The following MED12L variants were observed in gnomAD, a reference collection of about 807,000 sequenced individuals.
MED12L encodes the protein mediator complex subunit 12L.
A neutral mutation model predicts 281.3 loss-of-function variants in MED12L; 60 were observed. The ratio of observed to expected loss-of-function variants is 0.21; its 90% CI spans 0.17 to 0.26. MED12L has a LOEUF of 0.26. Ranked by LOEUF, MED12L falls within the 10% of genes least tolerant of loss-of-function variation. MED12L has a pLI of 1.00. For synonymous variants in MED12L, 974 were observed against 987.2 expected, an observed-to-expected ratio of 0.99 and a Z score of 0.25; for missense variants, 2,146 against 2,680.9, an observed-to-expected ratio of 0.80 and a Z score of 4.41.
rs1156665857 is a variant in MED12L, at chr3:151,247,408, G to A, written c.2250+53742G>A. Among the ~76,000 whole-genome samples, 876 of 151,984 alleles carry A rather than the reference G, an allele frequency of 5.8e-3. 2 individuals are homozygous for A. The highest frequency in any genetic ancestry group is 7.2e-3 in the Non-Finnish European group (491 of 67,906). On this transcript the variant is annotated intron_variant, in intron 16 of 44. Coordinates refer to ENST00000687756, the MANE Select transcript of MED12L (RefSeq NM_001393769.1). ...ACTGGATTAAGAAAATGTGGCACAT[G>A]TACACCATGGAATACTATGCAGCCA...
intron 21 of MED12L, among the ~76,000 whole-genome samples, chr3:151,364,443 G>T (rs1755032648): frequency 6.6e-6 from 1 of 152,078 alleles, no homozygotes; most frequent in African/African-American, 2.4e-5. Flanking sequence ...CCCCTTACTA[G>T]AATGTAAGTT....
At position 151,350,103 on chromosome 3, in the gene MED12L, C is replaced by A. The variant is rs758843606; in HGVS notation, c.2295C>A (p.Leu765=). Reference sequence around the variant, plus strand: ...AATGTAACCAGCGCACAATCCTTCTCTATGGAGTCGGCAAAGAGCGTGATG... The same window carrying A: ...AATGTAACCAGCGCACAATCCTTCTATATGGAGTCGGCAAAGAGCGTGATG... ...SHECNQRTIL[L]YGVGKERDEA... The change falls in exon 17 of 45, where the codon CTC becomes CTA. Residue 765 remains leucine, a synonymous_variant. Transcript: ENST00000687756. 1 of 1,613,454 alleles carries A rather than the reference C, an allele frequency of 6.2e-7. No individual in the cohort carries two copies.
chr3:151,288,855 G>A (rs897502151), intron 16 of MED12L, among the ~76,000 whole-genome samples: 5 of 152,056 alleles, frequency 3.3e-5, no homozygotes, highest in African/African-American at 4.8e-5. Context: ...TCTCCAGTTC[G>A]CAGCTCATCA....
intron 11 of MED12L, among the ~76,000 whole-genome samples, chr3:151,177,663 T>A (rs371721932): frequency 1.2e-3 from 177 of 152,146 alleles, no homozygotes; most frequent in African/African-American, 1.8e-3. Context: ...CTTTTTTTTT[T>A]TTATTATTTA....
chr3:151,379,390 C>T lies in MED12L; in HGVS notation c.4479-723C>T, dbSNP rs192722023. 1.4e-3 allele frequency among the ~76,000 whole-genome samples: 214 copies of T among 152,302 alleles called. 2 individuals carry two copies. Among genetic ancestry groups the T allele is most frequent in the African/African-American group, 4.6e-3 (191 of 41,560 alleles). ...TAAGAAATTTGTCTTTCCAACATGGCGCTTTGTTTGTCAATATGATTTGTT... is the reference window on the plus strand; with the variant it reads ...TAAGAAATTTGTCTTTCCAACATGGTGCTTTGTTTGTCAATATGATTTGTT... On this transcript the variant is annotated intron_variant, in intron 31 of 44. Coordinates refer to ENST00000687756, the MANE Select transcript of MED12L (RefSeq NM_001393769.1).
intron 3 of MED12L, among the ~76,000 whole-genome samples, chr3:151,119,978 G>C (rs113266913): frequency 6.6e-6 from 1 of 151,640 alleles, no homozygotes; most frequent in Non-Finnish European, 1.5e-5. Flanking sequence ...CAGCACTTTG[G>C]GGGGCTGAGG....
intron 21 of MED12L, among the ~76,000 whole-genome samples, chr3:151,362,527 C>T (rs1236394544): frequency 6.6e-6 from 1 of 152,094 alleles, no homozygotes; most frequent in Non-Finnish European, 1.5e-5. Context: ...CTGAGCACAC[C>T]ATTTTAAATA....
intron 2 of MED12L, among the ~76,000 whole-genome samples, chr3:151,116,083 A>T (rs1009414600): frequency 5.9e-5 from 9 of 151,572 alleles, no homozygotes; most frequent in Non-Finnish European, 1.3e-4. Flanking sequence ...AAAAAAAAAA[A>T]AAAAGAATAG....
At position 151,144,556 on chromosome 3, in the gene MED12L, C is replaced by T. The variant is rs1717508733; in HGVS notation, c.557-11605C>T. 2.0e-5 allele frequency among the ~76,000 whole-genome samples: 3 copies of T among 152,162 alleles called. No homozygotes were observed. In the South Asian group the frequency reaches 6.2e-4, roughly 32 times the overall value. On this transcript the variant is annotated intron_variant, in intron 5 of 44. Transcript: ENST00000687756. ...TCGGCCCCCTGTTTTCTGACTTGGC[C>T]ACGCTGGTCTCTTTTCTTCTGAAAT... is the stretch of plus-strand genomic sequence containing the variant.
intron 5 of MED12L, among the ~76,000 whole-genome samples, chr3:151,153,915 A>C (rs1718917407): frequency 6.6e-6 from 1 of 151,984 alleles, no homozygotes; most frequent in African/African-American, 2.4e-5. Context: ...ACTCCAGACC[A>C]ATTAAATTAG....
At chr3:151,205,333 TA>T (rs1390300199) in intron 16 of MED12L, among the ~76,000 whole-genome samples, 1 of 152,240 alleles carries the variant, frequency 6.6e-6, no homozygotes, top group African/African-American at 2.4e-5. Context: ...ATTTCATGGA[TA>T]TTTTGTATGT....
intron 36 of MED12L, among the ~76,000 whole-genome samples, chr3:151,387,291 T>C (rs1175794289): frequency 2.0e-5 from 3 of 152,036 alleles, no homozygotes; most frequent in East Asian, 3.9e-4. Flanking sequence ...AATAATAATA[T>C]TATATTCAGA....
intron 43 of MED12L, among the ~76,000 whole-genome samples, chr3:151,422,974 C>T (rs1360437639): frequency 3.9e-5 from 5 of 129,370 alleles, no homozygotes; most frequent in African/African-American, 1.4e-4. Flanking sequence ...TTAGCTTTTG[C>T]ACAAGTCCCT....
chr3:151,421,140 G>GC lies in MED12L; in HGVS notation c.6408+4720dup, dbSNP rs113094577. 7.9e-3 allele frequency among the ~76,000 whole-genome samples: 1,206 copies of GC among 152,234 alleles called. 19 individuals are homozygous for GC. Among genetic ancestry groups the GC allele is most frequent in the African/African-American group, 0.028 (1,152 of 41,546 alleles). On this transcript the variant is annotated intron_variant, in intron 43 of 44. Coordinates refer to ENST00000687756, the MANE Select transcript of MED12L (RefSeq NM_001393769.1). ...CGTAACCTCCATCCCTGCCACCATG[G>GC]CCACTTTGTTCATGGGCCCATTGAG...
intron 43 of MED12L, among the ~76,000 whole-genome samples, chr3:151,427,304 C>A (rs1360200296): frequency 2.0e-5 from 3 of 152,144 alleles, no homozygotes; most frequent in African/African-American, 7.2e-5. Context: ...GATAACCTGA[C>A]AGAGTCTTGG....
intron 39 of MED12L, among the ~76,000 whole-genome samples, chr3:151,403,464 C>G (rs770984358): frequency 9.9e-5 from 15 of 152,210 alleles, no homozygotes; most frequent in Non-Finnish European, 1.9e-4. Flanking sequence ...AACTTACCCT[C>G]TCATCACATC....
intron 16 of MED12L, among the ~76,000 whole-genome samples, chr3:151,310,934 A>G (rs570206820): frequency 1.3e-5 from 2 of 152,288 alleles, no homozygotes; most frequent in African/African-American, 4.8e-5. Context: ...GGGGTGGGGA[A>G]AAACTTTAAG....
At chr3:151,267,140 G>A (rs1007280210) in intron 16 of MED12L, among the ~76,000 whole-genome samples, 2 of 152,182 alleles carry the variant, frequency 1.3e-5, no homozygotes, top group African/African-American at 4.8e-5. Context: ...TATTTTGACT[G>A]TTTACAGGAA....
At chr3:151,142,549 C>T (rs898551412) in intron 5 of MED12L, among the ~76,000 whole-genome samples, 11 of 152,172 alleles carry the variant, frequency 7.2e-5, no homozygotes, top group African/African-American at 2.7e-4. Flanking sequence ...CTACCTCTAT[C>T]CCAGACCCCT....
Sources: gnomAD v4.1 joint callset for allele counts (sites outside exome capture counted in the v4.1 genomes callset) on GRCh38, gnomAD v4.1.1 for gene constraint, MANE v1.5 for transcripts, NCBI Gene and HGNC (gene_info 2026-07-23, HGNC 2026-07-21) for gene names.